The following DDX10 variants were observed in gnomAD, a reference collection of about 807,000 sequenced individuals.
DDX10 encodes the protein probable ATP-dependent RNA helicase DDX10.
DDX10 carries 74 observed loss-of-function variants against 104.3 expected under a neutral mutation model. The ratio of observed to expected loss-of-function variants is 0.71; its 90% CI spans 0.59 to 0.86. The LOEUF (loss-of-function observed/expected upper bound fraction) is 0.86, where lower values mean the gene tolerates loss of function less well. DDX10 is among the 40% of genes least tolerant of loss of function. DDX10 has a pLI of 0.00. For synonymous variants in DDX10, 351 were observed against 353.4 expected, an observed-to-expected ratio of 0.99 and a Z score of 0.08; for missense variants, 952 against 1,040.0, an observed-to-expected ratio of 0.92 and a Z score of 1.16.
chr11:108,824,960 G>A (rs534960449), intron 13 of DDX10, among the ~76,000 whole-genome samples: 20 of 152,088 alleles, frequency 1.3e-4, no homozygotes, highest in Non-Finnish European at 2.4e-4. Context: ...GTTCAAAGAG[G>A]TAGAAGGAAC....
chr11:108,785,571 C>A (rs970998217), intron 13 of DDX10, among the ~76,000 whole-genome samples: 1 of 152,010 alleles, frequency 6.6e-6, no homozygotes, highest in Non-Finnish European at 1.5e-5. Context: ...GAATCCCTCT[C>A]GTCTGGAGCT....
chr11:108,708,145 G>T (rs576252505), intron 10 of DDX10, among the ~76,000 whole-genome samples: 4 of 148,978 alleles, frequency 2.7e-5, no homozygotes, highest in African/African-American at 9.9e-5. Context: ...CCACATTCTT[G>T]CCAGCATTTG....
chr11:108,791,350 C>T (rs1158726312), intron 13 of DDX10, among the ~76,000 whole-genome samples: 2 of 152,190 alleles, frequency 1.3e-5, no homozygotes. Context: ...ATGAGCCATC[C>T]CTGTCAAGTC....
At chr11:108,673,064 A>G (rs752191844) in intron 1 of DDX10, among the ~76,000 whole-genome samples, 2 of 152,152 alleles carry the variant, frequency 1.3e-5, no homozygotes, top group South Asian at 2.1e-4. Context: ...GTATAGAACT[A>G]TTTTCATTGT....
intron 16 of DDX10, among the ~76,000 whole-genome samples, chr11:108,896,472 A>G (rs1228917378): frequency 6.6e-6 from 1 of 152,126 alleles, no homozygotes. Flanking sequence ...ATAAATGCAT[A>G]TACTGGTATC....
chr11:108,698,866 C>T (rs1371436877), intron 9 of DDX10, among the ~76,000 whole-genome samples: 2 of 152,328 alleles, frequency 1.3e-5, no homozygotes, highest in Middle Eastern at 3.4e-3. Context: ...CTTGCTGTTT[C>T]TTTTATGTGC....
intron 9 of DDX10, 89 bp from the exon 10 acceptor site, chr11:108,706,650 G>C: frequency 1.0e-6 from 1 of 986,916 alleles, no homozygotes; most frequent in Non-Finnish European, 1.6e-6. Flanking sequence ...AGACAAAAAT[G>C]GTTTCCATGT....
chr11:108,935,322 G>A (rs1864022991), intron 17 of DDX10, among the ~76,000 whole-genome samples: 1 of 152,126 alleles, frequency 6.6e-6, no homozygotes, highest in African/African-American at 2.4e-5. Context: ...GCCTCAAAGA[G>A]CAAGGGGTAT....
At chr11:108,750,624 T>G (rs906776267) in intron 13 of DDX10, among the ~76,000 whole-genome samples, 2 of 152,098 alleles carry the variant, frequency 1.3e-5, no homozygotes, top group African/African-American at 2.4e-5. Flanking sequence ...TGGTACCACA[T>G]TTATAGACTT....
intron 13 of DDX10, among the ~76,000 whole-genome samples, chr11:108,781,895 ATAT>A (rs1426846156): frequency 6.6e-6 from 1 of 152,124 alleles, no homozygotes; most frequent in Non-Finnish European, 1.5e-5. Flanking sequence ...TTCTTCTGTA[ATAT>A]TATCAGTAAG....
At chr11:108,938,588 A>G (rs1864064986) in intron 17 of DDX10, among the ~76,000 whole-genome samples, 1 of 152,138 alleles carries the variant, frequency 6.6e-6, no homozygotes, top group Admixed American at 6.5e-5. Context: ...TTTTTTTAAG[A>G]CCCTCTTTCA....
intron 16 of DDX10, among the ~76,000 whole-genome samples, chr11:108,891,063 C>A (rs1863369372): frequency 6.6e-6 from 1 of 152,048 alleles, no homozygotes; most frequent in African/African-American, 2.4e-5. Flanking sequence ...GTCTCAAATC[C>A]ACGTCCTGCC....
At chr11:108,766,379 A>G (rs2094356443) in intron 13 of DDX10, among the ~76,000 whole-genome samples, 1 of 152,210 alleles carries the variant, frequency 6.6e-6, no homozygotes, top group South Asian at 2.1e-4. Context: ...GATTTTTAAA[A>G]TTCTTTACTT....
chr11:108,899,232 T>C (rs1863482211), intron 16 of DDX10, among the ~76,000 whole-genome samples: 1 of 151,810 alleles, frequency 6.6e-6, no homozygotes, highest in Non-Finnish European at 1.5e-5. Flanking sequence ...GTTTTTTTTT[T>C]CTCCTCCCCC....
At chr11:108,834,909 C>T (rs1325774575) in intron 13 of DDX10, among the ~76,000 whole-genome samples, 1 of 111,428 alleles carries the variant, frequency 9.0e-6, no homozygotes, top group Non-Finnish European at 1.6e-5. Flanking sequence ...GCCTGGGCGA[C>T]TGAGCAAGAC....
intron 9 of DDX10, among the ~76,000 whole-genome samples, chr11:108,703,784 A>C (rs2094271964): frequency 6.6e-6 from 1 of 152,180 alleles, no homozygotes; most frequent in South Asian, 2.1e-4. Context: ...CCTTCTTTTA[A>C]AAAGTGCTTT....
intron 17 of DDX10, among the ~76,000 whole-genome samples, chr11:108,936,793 T>C (rs1413056767): frequency 1.3e-5 from 2 of 152,172 alleles, no homozygotes; most frequent in Admixed American, 6.5e-5. Context: ...TTTGTCTAAA[T>C]CTCTATTTCC....
In DDX10 at chr11:108,665,355, G is replaced by C; in HGVS notation, c.186+16G>C. ...CTATGAAAAGGTGAGGCCGGCGCTG[G>C]GGAGGGGGCTCGGGCCGGCCAGCAG... On this transcript the variant is annotated intron_variant, in intron 1 of 17. Coordinates refer to ENST00000322536, the MANE Select transcript of DDX10 (RefSeq NM_004398.4). 1 of 1,555,130 alleles carries C rather than the reference G, an allele frequency of 6.4e-7. No homozygotes were observed. Among genetic ancestry groups the C allele is most frequent in the Non-Finnish European group, 8.7e-7 (1 of 1,149,508 alleles).
intron 13 of DDX10, among the ~76,000 whole-genome samples, chr11:108,827,845 CT>C (rs1348909150): frequency 6.6e-6 from 1 of 152,138 alleles, no homozygotes; most frequent in African/African-American, 2.4e-5. Context: ...AACTTTGTTC[CT>C]GTAATAACAT....
Sources: gnomAD v4.1 joint callset for allele counts (sites outside exome capture counted in the v4.1 genomes callset) on GRCh38, gnomAD v4.1.1 for gene constraint, MANE v1.5 for transcripts, NCBI Gene and HGNC (gene_info 2026-07-23, HGNC 2026-07-21) for gene names.